Variants in GTF2IRD2B observed in about 807,000 individuals in gnomAD.
GTF2IRD2B encodes the protein general transcription factor II-I repeat domain-containing protein 2B.
A neutral mutation model predicts 55.6 loss-of-function variants in GTF2IRD2B; 10 were observed. The observed-to-expected ratio is 0.18, with a 90% CI of 0.11 to 0.31. The LOEUF (loss-of-function observed/expected upper bound fraction) is 0.31. GTF2IRD2B is among the 10% of genes least tolerant of loss of function. The probability of loss-of-function intolerance (pLI) is 1.00; values close to 1 mark genes in which losing one functional copy is unlikely to be tolerated. For synonymous variants in GTF2IRD2B, 107 were observed against 320.5 expected (o/e 0.33, Z 7.12); for missense variants, 206 against 802.7 (o/e 0.26, Z 8.98).
chr7:75,104,927 G>A (rs1485037311), intron 1 of GTF2IRD2B, among the ~76,000 whole-genome samples: 1 of 152,422 alleles, frequency 6.6e-6, no homozygotes, highest in Non-Finnish European at 1.5e-5. Context: ...GGGCGCGGTG[G>A]CTCACACCTG....
intron 3 of GTF2IRD2B, among the ~76,000 whole-genome samples, chr7:75,117,314 A>G (rs1808193361): frequency 6.6e-6 from 1 of 152,064 alleles, no homozygotes; most frequent in Admixed American, 6.6e-5. Flanking sequence ...AGCCTGGTCA[A>G]CATGGGAAAA....
At chr7:75,132,853 C>G (rs1160049457) in intron 8 of GTF2IRD2B, among the ~76,000 whole-genome samples, 2 of 148,364 alleles carry the variant, frequency 1.3e-5, no homozygotes, top group African/African-American at 2.6e-5. Context: ...GTGCCCGGTC[C>G]CCTCCTTCCT....
intron 4 of GTF2IRD2B, 70 bp downstream of exon 4, chr7:75,121,080 A>G (rs1808348254): frequency 1.1e-5 from 14 of 1,272,448 alleles, no homozygotes; most frequent in Non-Finnish European, 1.5e-5. Flanking sequence ...TCTGCCACCC[A>G]GGCTAGAGTG....
intron 8 of GTF2IRD2B, among the ~76,000 whole-genome samples, chr7:75,132,462 G>A (rs587601313): frequency 6.3e-4 from 91 of 145,484 alleles, no homozygotes; most frequent in Admixed American, 1.0e-3. Context: ...CACCCTGAAG[G>A]GGAAAATCTC....
intron 3 of GTF2IRD2B, among the ~76,000 whole-genome samples, chr7:75,114,487 G>T (rs1808075773): frequency 6.7e-6 from 1 of 150,116 alleles, no homozygotes; most frequent in Non-Finnish European, 1.5e-5. Flanking sequence ...CACACGTGTA[G>T]ATTTGTTACA....
intron 2 of GTF2IRD2B, among the ~76,000 whole-genome samples, chr7:75,110,646 A>C (rs1807944129): frequency 1.7e-5 from 1 of 58,404 alleles, no homozygotes. Flanking sequence ...ATAAGTTGGA[A>C]TTAATTTTAG....
rs782429968 is a variant in GTF2IRD2B at position 75,149,333 on chromosome 7, A to G, written c.*36A>G. The G allele has an allele frequency of 6.6e-6, 5 of 755,170 alleles. No individual in the cohort carries two copies. In the South Asian group the frequency reaches 7.1e-5, roughly 11 times the overall value. 46.8% of individuals were successfully genotyped at this position (755,170 alleles called of 1,614,324 possible). On this transcript the variant is annotated 3_prime_UTR_variant, in exon 16 of 16. Transcript: ENST00000472837. ...ACTCCTGGCAGGGCCCTATGGTGGG[A>G]AAGGCTGGAGTCTTCTAGTCCCAAG...
intron 9 of GTF2IRD2B, among the ~76,000 whole-genome samples, chr7:75,133,767 C>A (rs1288524157): frequency 1.4e-5 from 2 of 144,184 alleles, no homozygotes; most frequent in African/African-American, 2.8e-5. Flanking sequence ...TGGTCTCGAA[C>A]TCCTGACCTC....
intron 8 of GTF2IRD2B, among the ~76,000 whole-genome samples, chr7:75,130,146 T>TTCC (rs1808625633): frequency 4.0e-5 from 4 of 99,846 alleles, no homozygotes; most frequent in African/African-American, 1.5e-4. Flanking sequence ...TCTTTCTTTC[T>TTCC]TTCCTTCTTT....
intron 1 of GTF2IRD2B, among the ~76,000 whole-genome samples, chr7:75,101,939 T>C (rs1337481929): frequency 6.7e-6 from 1 of 150,346 alleles, no homozygotes; most frequent in Non-Finnish European, 1.5e-5. Context: ...TAAAGTGTAC[T>C]GTTCAGTGGT....
chr7:75,130,472 C>T (rs1320134147), intron 8 of GTF2IRD2B, among the ~76,000 whole-genome samples: 2 of 142,726 alleles, frequency 1.4e-5, no homozygotes, highest in African/African-American at 5.4e-5. Context: ...AGCCACCGCA[C>T]CAGGCCAATT....
intron 1 of GTF2IRD2B, among the ~76,000 whole-genome samples, chr7:75,105,821 C>A (rs1554450150): frequency 6.6e-6 from 1 of 152,306 alleles, no homozygotes; most frequent in Admixed American, 6.5e-5. Context: ...AGACTTATTT[C>A]TTGGTTGCAC....
chr7:75,122,619 A>G (rs2115778972), intron 4 of GTF2IRD2B, among the ~76,000 whole-genome samples: 1 of 110,268 alleles, frequency 9.1e-6, no homozygotes, highest in South Asian at 3.2e-4. Flanking sequence ...TACAAAAATT[A>G]GTCGGGCATG....
intron 1 of GTF2IRD2B, among the ~76,000 whole-genome samples, chr7:75,104,521 T>C (rs1275512157): frequency 3.3e-5 from 5 of 150,234 alleles, no homozygotes; most frequent in Non-Finnish European, 4.4e-5. Context: ...CTGGTGTATG[T>C]TCTAGCTTTG....
At chr7:75,106,978 A>G (rs1807827662) in intron 1 of GTF2IRD2B, among the ~76,000 whole-genome samples, 1 of 151,650 alleles carries the variant, frequency 6.6e-6, no homozygotes, top group Non-Finnish European at 1.5e-5. Flanking sequence ...GGCAAAATTT[A>G]GAGTGAGCTT....
At chr7:75,107,200 C>A (rs1213314853) in intron 1 of GTF2IRD2B, among the ~76,000 whole-genome samples, 1 of 151,366 alleles carries the variant, frequency 6.6e-6, no homozygotes, top group African/African-American at 2.4e-5. Flanking sequence ...TCACATAATA[C>A]CTGAGTTTGT....
chr7:75,124,036 A>G (rs1808474894), intron 6 of GTF2IRD2B, among the ~76,000 whole-genome samples: 1 of 151,382 alleles, frequency 6.6e-6, no homozygotes, highest in Non-Finnish European at 1.5e-5. Context: ...GAAATAAAGA[A>G]TATTTTTTAA....
chr7:75,104,743 T>C (rs587617836), intron 1 of GTF2IRD2B, among the ~76,000 whole-genome samples: 4 of 152,278 alleles, frequency 2.6e-5, no homozygotes, highest in African/African-American at 7.2e-5. Context: ...GCTTGGTGAG[T>C]GGAATCTAGA....
At chr7:75,103,686 C>A (rs1807659039) in intron 1 of GTF2IRD2B, among the ~76,000 whole-genome samples, 1 of 151,302 alleles carries the variant, frequency 6.6e-6, no homozygotes, top group African/African-American at 2.4e-5. Flanking sequence ...TCGCCGTCCC[C>A]AGGGTGCCTT....
Sources: gnomAD v4.1 joint callset for allele counts (sites outside exome capture counted in the v4.1 genomes callset) on GRCh38, gnomAD v4.1.1 for gene constraint, MANE v1.5 for transcripts, NCBI Gene and HGNC (gene_info 2026-07-23, HGNC 2026-07-21) for gene names.